CD70: variants seen among roughly 807,000 people sequenced by gnomAD.
CD70 encodes CD70 antigen.
A neutral mutation model predicts 9.0 loss-of-function variants in CD70; 6 were observed. That is an observed-to-expected ratio of 0.67 (90% confidence interval 0.37 to 1.32). The LOEUF is 1.32. Ranked by LOEUF, CD70 falls within the 40% of genes most tolerant of loss-of-function variation. The pLI, the probability that CD70 is intolerant of heterozygous loss-of-function variation, is 0.02. For synonymous variants in CD70, 108 were observed against 112.3 expected, an observed-to-expected ratio of 0.96 and a Z score of 0.24; for missense variants, 235 against 258.7, an observed-to-expected ratio of 0.91 and a Z score of 0.63.
chr19:6,588,643 A>AC (rs1345165063), intron 2 of CD70, among the ~76,000 whole-genome samples: 6 of 145,158 alleles, frequency 4.1e-5, no homozygotes, highest in Middle Eastern at 3.5e-3. Context: ...CTCAGATACC[A>AC]CCCCCCCACC....
downstream of CD70, among the ~76,000 whole-genome samples, chr19:6,583,971 T>A (rs994633695): frequency 1.9e-4 from 29 of 151,342 alleles, no homozygotes; most frequent in African/African-American, 6.3e-4. Flanking sequence ...TTTTGTGTTT[T>A]TAGTAGAGAC....
At chr19:6,584,934 T>C (rs1915986088), downstream of CD70, among the ~76,000 whole-genome samples, 1 of 151,850 alleles carries the variant, frequency 6.6e-6, no homozygotes, top group Admixed American at 6.6e-5. Flanking sequence ...AGTGATCTTT[T>C]ATTATTATTA....
rs371243781 is a variant in CD70 at position 6,590,107 on chromosome 19, G to A, written c.192C>T (p.His64=). 2 of 1,613,166 alleles carry A rather than the reference G, an allele frequency of 1.2e-6. No individual in the cohort carries two copies. The highest frequency in any genetic ancestry group is 1.3e-5 in the African/African-American group (1 of 74,778). Residue 64 remains histidine, a synonymous_variant, in exon 2 of 3, where the codon CAC becomes CAT. Coordinates refer to ENST00000245903, the MANE Select transcript of CD70 (RefSeq NM_001252.5). The surrounding 1 kb of genome is among the most constrained non-coding windows in gnomAD (Gnocchi z 5.3). ...CCTCCACGTCCCCCGTGTTACCTGT[G>A]TGATTCAGCTGCAGCTCAGCTACGT... ...GWDVAELQLN[H]TGPQQDPRLY...
chr19:6,586,774 TTGGTCACAGAAACCC>T, intron 2 of CD70, among the ~76,000 whole-genome samples: 1 of 151,640 alleles, frequency 6.6e-6, no homozygotes, highest in South Asian at 2.1e-4. Context: ...CACTCCAGCC[TTGGTCACAGAAACCC>T]TGTCTCAAAA....
chr19:6,581,739 C>G (rs1915921399), downstream of CD70, among the ~76,000 whole-genome samples: 2 of 152,012 alleles, frequency 1.3e-5, no homozygotes, highest in African/African-American at 4.8e-5. Context: ...CATATTTTTC[C>G]TTTTTGACTG....
downstream of CD70, among the ~76,000 whole-genome samples, chr19:6,581,734 T>C (rs1042648624): frequency 2.6e-5 from 4 of 152,280 alleles, no homozygotes; most frequent in South Asian, 8.3e-4. Flanking sequence ...CAATACATAT[T>C]TTTCCTTTTT....
chr19:6,583,789 A>ATTTTTT (rs59486408), downstream of CD70, among the ~76,000 whole-genome samples: 1 of 98,884 alleles, frequency 1.0e-5, no homozygotes, highest in Non-Finnish European at 2.0e-5. Context: ...TGTGGTCTTG[A>ATTTTTT]TTTTTTTTTT....
Position 6,590,079 on chromosome 19 carries a change from G to T in CD70, c.196+24C>A. Reference sequence around the variant, plus strand: ...TCTCTCTGTGCCTCTTCTTCTCCCCGTCCCTCCACGTCCCCCGTGTTACCT... The same window carrying T: ...TCTCTCTGTGCCTCTTCTTCTCCCCTTCCCTCCACGTCCCCCGTGTTACCT... On this transcript the variant is annotated intron_variant, in intron 2 of 2. Transcript: ENST00000245903. This position sits in a 1 kb window ranked among gnomAD's most constrained non-coding sequence, Gnocchi z 5.3. 1.4e-5 allele frequency: 23 copies of T among 1,601,788 alleles called. No homozygotes were observed. Among genetic ancestry groups the T allele is most frequent in the Non-Finnish European group, 1.9e-5 (22 of 1,170,658 alleles).
chr19:6,585,313 CT>C (rs1915992352), downstream of CD70, among the ~76,000 whole-genome samples: 1 of 151,274 alleles, frequency 6.6e-6, no homozygotes, highest in East Asian at 1.9e-4. Flanking sequence ...TGTTTCCTCT[CT>C]TGTCAAATAG....
At chr19:6,582,405 T>A (rs1340046495), downstream of CD70, among the ~76,000 whole-genome samples, 6 of 150,674 alleles carry the variant, frequency 4.0e-5, no homozygotes, top group Admixed American at 2.7e-4. Flanking sequence ...GTGCACAACG[T>A]GCAGATTTGT....
chr19:6,588,392 G>C (rs183103586), intron 2 of CD70, among the ~76,000 whole-genome samples: 1 of 152,110 alleles, frequency 6.6e-6, no homozygotes, highest in East Asian at 1.9e-4. Context: ...GCCGGGGAGG[G>C]GGGGAAGATA....
rs376571698 is a variant in CD70, at chr19:6,586,015, A to G, written c.*5T>C. On this transcript the variant is annotated 3_prime_UTR_variant, in exon 3 of 3. Transcript: ENST00000245903. ...AATTTAAAAAACCCTAATCAGCAGCAGTGGTCAGGGGCGCACCCACTGCAC... is the reference window on the plus strand; with the variant it reads ...AATTTAAAAAACCCTAATCAGCAGCGGTGGTCAGGGGCGCACCCACTGCAC... 147 of 1,592,610 alleles carry G rather than the reference A, an allele frequency of 9.2e-5. No individual in the cohort carries two copies. The highest frequency in any genetic ancestry group is 1.2e-4 in the Non-Finnish European group (144 of 1,166,160).
chr19:6,583,601 C>A, downstream of CD70: 1 of 544,936 alleles, frequency 1.8e-6, no homozygotes, highest in Non-Finnish European at 3.2e-6. Flanking sequence ...CTCTGCCACC[C>A]AGGCTGGAGT....
intron 2 of CD70, among the ~76,000 whole-genome samples, chr19:6,587,042 G>A (rs755105538): frequency 4.6e-5 from 7 of 150,838 alleles, no homozygotes; most frequent in Non-Finnish European, 7.4e-5. Flanking sequence ...GAGAGAGTGC[G>A]ACAGAGAGCA....
chr19:6,590,071 T>C lies in CD70; in HGVS notation c.196+32A>G. 1 of 1,595,242 alleles carries C rather than the reference T, an allele frequency of 6.3e-7. No individual in the cohort carries two copies. The highest frequency in any genetic ancestry group is 8.6e-7 in the Non-Finnish European group (1 of 1,163,942). On this transcript the variant is annotated intron_variant, in intron 2 of 2. Coordinates refer to ENST00000245903, the MANE Select transcript of CD70 (RefSeq NM_001252.5). The surrounding 1 kb of genome is among the most constrained non-coding windows in gnomAD (Gnocchi z 5.3). Reference sequence around the variant, plus strand: ...CTTCCTTCTCTCTCTGTGCCTCTTCTTCTCCCCGTCCCTCCACGTCCCCCG... The same window carrying C: ...CTTCCTTCTCTCTCTGTGCCTCTTCCTCTCCCCGTCCCTCCACGTCCCCCG...
At chr19:6,583,557 T>A, downstream of CD70, 1 of 152,522 alleles carries the variant, frequency 6.6e-6, no homozygotes, top group Non-Finnish European at 1.1e-5. Flanking sequence ...TGTAGTCTTT[T>A]TTTTTTTTTT....
chr19:6,584,144 T>TAAA (rs56703384), downstream of CD70, among the ~76,000 whole-genome samples: 29 of 133,584 alleles, frequency 2.2e-4, no homozygotes, highest in African/African-American at 3.9e-4. Context: ...CTTCTCATTG[T>TAAA]AAAAAAAAAA....
In CD70 at chr19:6,590,246, C is replaced by T. The variant is rs918468960; in HGVS notation, c.163-110G>A. 11 of 821,810 alleles carry T rather than the reference C, an allele frequency of 1.3e-5. 1 individual carries two copies. The highest frequency in any genetic ancestry group is 2.3e-5 in the Non-Finnish European group (11 of 473,758). 50.9% of individuals were successfully genotyped at this position (821,810 alleles called of 1,614,324 possible). On this transcript the variant is annotated intron_variant, in intron 1 of 2. Coordinates refer to ENST00000245903, the MANE Select transcript of CD70 (RefSeq NM_001252.5). This position sits in a 1 kb window ranked among gnomAD's most constrained non-coding sequence, Gnocchi z 5.3. ...GTCCATCCTCCTTTCCACCTCTCAT[C>T]CCACGGCGCGCACTGGTGATTTTAT... is the stretch of plus-strand genomic sequence containing the variant.
downstream of CD70, among the ~76,000 whole-genome samples, chr19:6,584,291 C>G (rs1599449298): frequency 6.8e-6 from 1 of 147,178 alleles, no homozygotes; most frequent in South Asian, 2.2e-4. Context: ...GGGTGGATCA[C>G]AAGGTCAAGA....
Sources: allele counts gnomAD v4.1 joint callset (sites outside exome capture counted in the v4.1 genomes callset), GRCh38; gene constraint gnomAD v4.1.1; non-coding constraint Gnocchi (gnomAD v3.1); transcripts MANE v1.5; gene names NCBI Gene and HGNC (gene_info 2026-07-23, HGNC 2026-07-21).